HTRA1: variants seen among roughly 807,000 people sequenced by gnomAD.
HTRA1 encodes the protein serine protease HTRA1.
A neutral mutation model predicts 49.7 loss-of-function variants in HTRA1; 26 were observed. The ratio of observed to expected loss-of-function variants is 0.52; its 90% CI spans 0.38 to 0.73. The LOEUF is 0.73. HTRA1 is among the 30% of genes least tolerant of loss of function. The pLI is 0.00. For synonymous variants in HTRA1, 291 were observed against 286.9 expected (o/e 1.01, Z -0.14); for missense variants, 561 against 667.2 (o/e 0.84, Z 1.75).
At chr10:122,513,253 T>C (rs758971213) in intron 8 of HTRA1, among the ~76,000 whole-genome samples, 1 of 152,128 alleles carries the variant, frequency 6.6e-6, no homozygotes, top group Non-Finnish European at 1.5e-5. Flanking sequence ...AGGAAGTGCC[T>C]CTTAACAGAA....
Position 122,514,578 on chromosome 10 carries a change from C to T in HTRA1, c.*219C>T. 1 of 571,880 alleles carries T rather than the reference C, an allele frequency of 1.7e-6. No individual in the cohort carries two copies. Among genetic ancestry groups the T allele is most frequent in the South Asian group, 1.9e-5 (1 of 51,364 alleles). The allele number at this position is 571,880 out of a possible 1,614,324, so 35.4% of individuals were successfully genotyped here. ...GGCAGAAGCTCTGCCCTTCTGTATCCTATGTATGCAGTGTGCTTTTTCTTG... is the reference window on the plus strand; with the variant it reads ...GGCAGAAGCTCTGCCCTTCTGTATCTTATGTATGCAGTGTGCTTTTTCTTG... On this transcript the variant is annotated 3_prime_UTR_variant, in exon 9 of 9. Transcript: ENST00000368984.
chr10:122,499,291 G>T (rs1309188398), intron 3 of HTRA1, among the ~76,000 whole-genome samples: 1 of 152,212 alleles, frequency 6.6e-6, no homozygotes, highest in Non-Finnish European at 1.5e-5. Context: ...GGCCTCCAGT[G>T]TCTGCGCTCA....
intron 7 of HTRA1, 86 bp from the exon 8 acceptor site, chr10:122,511,884 A>G (rs1034164071): frequency 1.1e-6 from 1 of 920,072 alleles, no homozygotes; most frequent in Non-Finnish European, 1.8e-6. Flanking sequence ...CCTAAGGAGA[A>G]GACGGGAACT....
chr10:122,477,636 A>C (rs142589678), intron 1 of HTRA1, among the ~76,000 whole-genome samples: 132 of 152,332 alleles, frequency 8.7e-4, no homozygotes, highest in African/African-American at 2.8e-3. Context: ...GGTGTCTAGC[A>C]GCCCTGCCAG....
At chr10:122,486,038 C>T (rs1024400347) in intron 1 of HTRA1, among the ~76,000 whole-genome samples, 1 of 152,174 alleles carries the variant, frequency 6.6e-6, no homozygotes. Context: ...CTCGGGGGGA[C>T]ACACCAATTA....
rs1272020584 is a variant in HTRA1 at position 122,464,213 on chromosome 10, T to C, written c.472+2089T>C. The stretch of plus-strand genomic sequence containing the variant: ...GGTCTCATCGCACGGGGTCCTGAGT[T>C]GCTGGCACCATGCGAGCCGCCTAAT... On this transcript the variant is annotated intron_variant, in intron 1 of 8. Coordinates refer to ENST00000368984, the MANE Select transcript of HTRA1 (RefSeq NM_002775.5). This position sits in a 1 kb window ranked among gnomAD's most constrained non-coding sequence, Gnocchi z 4.8. 2.0e-5 allele frequency among the ~76,000 whole-genome samples: 3 copies of C among 152,174 alleles called. No individual in the cohort carries two copies. Among genetic ancestry groups the C allele is most frequent in the Admixed American group, 2.0e-4 (3 of 15,280 alleles).
chr10:122,485,815 G>T (rs567810625), intron 1 of HTRA1, among the ~76,000 whole-genome samples: 1 of 152,206 alleles, frequency 6.6e-6, no homozygotes, highest in East Asian at 1.9e-4. Context: ...GTGGGAAGGC[G>T]CTGGTAATGG....
At position 122,464,265 on chromosome 10, in the gene HTRA1, A is replaced by G. The variant is rs563798858; in HGVS notation, c.472+2141A>G. ...TATTGCTAGTGAGGCAAGTTGCTTA[A>G]CAAGTTTTGGAGTTGGCTGAGTCCC... is the stretch of plus-strand genomic sequence containing the variant. On this transcript the variant is annotated intron_variant, in intron 1 of 8. Transcript: ENST00000368984. The surrounding 1 kb of genome is among the most constrained non-coding windows in gnomAD (Gnocchi z 4.8). 4.6e-5 allele frequency among the ~76,000 whole-genome samples: 7 copies of G among 152,300 alleles called. No homozygotes were observed. The South Asian group carries it at 1.0e-3, about 23-fold the overall frequency.
chr10:122,501,517 G>A (rs892086611), intron 3 of HTRA1, among the ~76,000 whole-genome samples: 53 of 152,188 alleles, frequency 3.5e-4, no homozygotes, highest in African/African-American at 6.0e-4. Flanking sequence ...GACACTCATG[G>A]TTGCCCACCC....
intron 1 of HTRA1, among the ~76,000 whole-genome samples, chr10:122,473,176 C>A (rs2097486901): frequency 1.3e-5 from 2 of 152,158 alleles, no homozygotes; most frequent in Admixed American, 6.6e-5. Flanking sequence ...CTTGGTTCTA[C>A]CTGGGGAGGG....
intron 1 of HTRA1, among the ~76,000 whole-genome samples, chr10:122,478,410 T>TTTTGG (rs2097489556): frequency 6.7e-6 from 1 of 149,642 alleles, no homozygotes; most frequent in Non-Finnish European, 1.5e-5. Context: ...TTTTTTTTTT[T>TTTTGG]GAGACGGACT....
rs2097495370 is a variant in HTRA1, at chr10:122,490,692, T to G, written c.777+1066T>G. Among the ~76,000 whole-genome samples the G allele has an allele frequency of 6.6e-6, 1 of 152,174 alleles. No individual in the cohort carries two copies. The highest frequency in any genetic ancestry group is 2.1e-4 in the South Asian group (1 of 4,822). On this transcript the variant is annotated intron_variant, in intron 3 of 8. Transcript: ENST00000368984. This position sits in a 1 kb window ranked among gnomAD's most constrained non-coding sequence, Gnocchi z 4.2. The stretch of plus-strand genomic sequence containing the variant: ...TGCCTCGCTTTACCTGGGTGTGGGC[T>G]GAGTAATTCCAGACAAGCGTGGAAT...
intron 3 of HTRA1, among the ~76,000 whole-genome samples, chr10:122,501,427 G>A (rs1190930913): frequency 6.6e-6 from 1 of 152,220 alleles, no homozygotes; most frequent in Non-Finnish European, 1.5e-5. Flanking sequence ...GTATGGACTT[G>A]TAGAGTCTTT....
intron 3 of HTRA1, among the ~76,000 whole-genome samples, chr10:122,496,019 A>G (rs1782696393): frequency 1.3e-5 from 2 of 152,172 alleles, no homozygotes; most frequent in South Asian, 2.1e-4. Context: ...TGGCCCGTGA[A>G]GCCAAAAATA....
In HTRA1 at chr10:122,506,748, G is replaced by A. The variant is rs745305935; in HGVS notation, c.835G>A (p.Val279Met). ...CTCAGAGCTGCGGCCGGGAGAGTTC[G>A]TGGTCGCCATCGGAAGCCCGTTTTC... Reference protein sequence around the residue: ...RSSELRPGEFVVAIGSPFSLQ... With the variant: ...RSSELRPGEFMVAIGSPFSLQ... The change falls in exon 4 of 9, where the codon GTG (valine) becomes ATG (methionine). Residue 279 changes from valine to methionine, a missense_variant. By Grantham distance (21) the Val-to-Met change is conservative. Coordinates refer to ENST00000368984, the MANE Select transcript of HTRA1 (RefSeq NM_002775.5). This position sits in a 1 kb window ranked among gnomAD's most constrained non-coding sequence, Gnocchi z 5.2. The A allele has an allele frequency of 6.8e-6, 11 of 1,613,592 alleles. No homozygotes were observed. Among genetic ancestry groups the A allele is most frequent in the Non-Finnish European group, 8.5e-6 (10 of 1,180,032 alleles).
intron 1 of HTRA1, among the ~76,000 whole-genome samples, chr10:122,467,639 G>A (rs2097484305): frequency 6.6e-6 from 1 of 152,066 alleles, no homozygotes; most frequent in African/African-American, 2.4e-5. Context: ...GGGGTGACAT[G>A]TTCATCTCCA....
intron 3 of HTRA1, among the ~76,000 whole-genome samples, chr10:122,493,745 C>T (rs2097497024): frequency 6.6e-6 from 1 of 152,162 alleles, no homozygotes; most frequent in Admixed American, 6.5e-5. Flanking sequence ...TTGCAGATTT[C>T]CTGCTGTTCT....
chr10:122,504,524 G>T (rs552057895), intron 3 of HTRA1, among the ~76,000 whole-genome samples: 1 of 152,228 alleles, frequency 6.6e-6, no homozygotes, highest in Admixed American at 6.5e-5. Context: ...CTATCTCCTT[G>T]GGCAGCCAGG....
rs1344546566 is a variant in HTRA1 at position 122,464,335 on chromosome 10, C to T, written c.472+2211C>T. Among the ~76,000 whole-genome samples the T allele has an allele frequency of 1.3e-5, 2 of 152,128 alleles. No individual in the cohort carries two copies. Among genetic ancestry groups the T allele is most frequent in the South Asian group, 2.1e-4 (1 of 4,830 alleles). On this transcript the variant is annotated intron_variant, in intron 1 of 8. Coordinates refer to ENST00000368984, the MANE Select transcript of HTRA1 (RefSeq NM_002775.5). This position sits in a 1 kb window ranked among gnomAD's most constrained non-coding sequence, Gnocchi z 4.8. Reference sequence around the variant, plus strand: ...CCCCCATTGGCCATCGGGCTCACAGCGGGCCCCCGGTGTACCAGTGAGGGG... The same window carrying T: ...CCCCCATTGGCCATCGGGCTCACAGTGGGCCCCCGGTGTACCAGTGAGGGG...
Sources: allele counts gnomAD v4.1 joint callset (sites outside exome capture counted in the v4.1 genomes callset), GRCh38; gene constraint gnomAD v4.1.1; non-coding constraint Gnocchi (gnomAD v3.1); transcripts MANE v1.5; gene names NCBI Gene and HGNC (gene_info 2026-07-23, HGNC 2026-07-21).